Variants in AGPAT4 observed in about 807,000 individuals in gnomAD.
The protein encoded by AGPAT4 is 1-acylglycerol-3-phosphate O-acyltransferase 4.
In AGPAT4, 15 loss-of-function variants were observed where a neutral mutation model predicts 48.0. That is an observed-to-expected ratio of 0.31 (90% CI 0.21 to 0.48). The LOEUF is 0.48. AGPAT4 is among the 20% of genes least tolerant of loss of function. The probability of loss-of-function intolerance (pLI) is 0.99; values close to 1 mark genes in which losing one functional copy is unlikely to be tolerated. For missense variants in AGPAT4, 314 were observed against 482.5 expected (o/e 0.65, Z 3.27); for synonymous variants, 178 against 198.7 (o/e 0.90, Z 0.88).
intron 2 of AGPAT4, among the ~76,000 whole-genome samples, chr6:161,186,567 A>G (rs1352546570): frequency 6.6e-6 from 1 of 151,868 alleles, no homozygotes; most frequent in Non-Finnish European, 1.5e-5. Flanking sequence ...CCTTCTACCC[A>G]GTCTCTCTGC....
At chr6:161,179,787 T>C (rs1157106534) in intron 2 of AGPAT4, among the ~76,000 whole-genome samples, 2 of 152,244 alleles carry the variant, frequency 1.3e-5, no homozygotes, top group African/African-American at 2.4e-5. Context: ...TGCTTAATCA[T>C]GTTTTCTTTT....
At position 161,162,449 on chromosome 6, in the gene AGPAT4, C is replaced by T. The variant is rs181226616; in HGVS notation, c.348+3799G>A. ...CCTCAGGGGTGCAGTTGCCATATTC[C>T]GGGAAACACTGTGTTTTAAAACAAG... On this transcript the variant is annotated intron_variant, in intron 3 of 8. Transcript: ENST00000320285. Among the ~76,000 whole-genome samples, 450 of 152,284 alleles carry T rather than the reference C, an allele frequency of 3.0e-3. 2 individuals are homozygous for T. Among genetic ancestry groups the T allele is most frequent in the African/African-American group, 0.01 (426 of 41,530 alleles).
rs1265584060 is a variant in AGPAT4 at position 161,219,864 on chromosome 6, TAGATAGATAGGC to T, written c.178+12160_178+12171del. ...ATAGATAGATAGATAGATAGATAGA[TAGATAGATAGGC>T]AGGCAGGCAGGCAGGCAGGCAGGCA... is the stretch of plus-strand genomic sequence containing the variant. On this transcript the variant is annotated intron_variant, in intron 2 of 8. Coordinates refer to ENST00000320285, the MANE Select transcript of AGPAT4 (RefSeq NM_020133.3). The surrounding 1 kb of genome is among the most constrained non-coding windows in gnomAD (Gnocchi z 4.9). Among the ~76,000 whole-genome samples the T allele has an allele frequency of 3.6e-4, 43 of 118,642 alleles. No homozygotes were observed. Among genetic ancestry groups the T allele is most frequent in the Middle Eastern group, 3.8e-3 (1 of 260 alleles). 77.8% of individuals were successfully genotyped at this position (118,642 alleles called of 152,430 possible). A position where few individuals can be genotyped will look rare whatever the true frequency, so the allele number is the denominator to read the frequency against.
chr6:161,153,744 T>A (rs1204748311), intron 4 of AGPAT4, among the ~76,000 whole-genome samples: 1 of 130,234 alleles, frequency 7.7e-6, no homozygotes, highest in Non-Finnish European at 1.6e-5. Flanking sequence ...GGGGCACATA[T>A]GGCCACACGA....
rs78353268 is a variant in AGPAT4 at position 161,215,255 on chromosome 6, G to A, written c.178+16781C>T. On this transcript the variant is annotated intron_variant, in intron 2 of 8. Coordinates refer to ENST00000320285, the MANE Select transcript of AGPAT4 (RefSeq NM_020133.3). The surrounding 1 kb of genome is among the most constrained non-coding windows in gnomAD (Gnocchi z 4.5). ...TACACTGCATGTGTTGTAATCTGTT[G>A]CCTAGTTAGCAAATGTTTCTGTAGA... 0.037 allele frequency among the ~76,000 whole-genome samples: 5,588 copies of A among 152,212 alleles called. 416 individuals carry two copies. Among genetic ancestry groups the A allele is most frequent in the Admixed American group, 0.2 (3,089 of 15,292 alleles).
In AGPAT4 at chr6:161,137,553, AT is replaced by A. The variant is rs1779104603; in HGVS notation, c.1043-920del. ...CATTTACAAACTGGAGGGCTCCTGC[AT>A]GGAGCGTAACAGTAACAGTGAGAGT... On this transcript the variant is annotated intron_variant, in intron 8 of 8. Transcript: ENST00000320285. This position sits in a 1 kb window ranked among gnomAD's most constrained non-coding sequence, Gnocchi z 6.1. Among the ~76,000 whole-genome samples, 1 of 152,232 alleles carries A rather than the reference AT, an allele frequency of 6.6e-6. No individual in the cohort carries two copies. The highest frequency in any genetic ancestry group is 6.5e-5 in the Admixed American group (1 of 15,288).
In AGPAT4 at chr6:161,197,977, C is replaced by T. The variant is rs1432177978; in HGVS notation, c.179-31560G>A. Among the ~76,000 whole-genome samples, 5 of 152,166 alleles carry T rather than the reference C, an allele frequency of 3.3e-5. No individual in the cohort carries two copies. Among genetic ancestry groups the T allele is most frequent in the African/African-American group, 1.2e-4 (5 of 41,442 alleles). On this transcript the variant is annotated intron_variant, in intron 2 of 8. Transcript: ENST00000320285. This position sits in a 1 kb window ranked among gnomAD's most constrained non-coding sequence, Gnocchi z 5.7. ...TGTTGGTTCTATTTTAATAAGTTCC[C>T]TTTTTGATACGATGCATTTTCTATT...
chr6:161,183,374 C>G, intron 2 of AGPAT4, among the ~76,000 whole-genome samples: 1 of 151,908 alleles, frequency 6.6e-6, no homozygotes. Flanking sequence ...AATCCCAGCA[C>G]TTTGGGAGTC....
In AGPAT4 at chr6:161,202,139, G is replaced by A. The variant is rs1329394301; in HGVS notation, c.178+29897C>T. On this transcript the variant is annotated intron_variant, in intron 2 of 8. Transcript: ENST00000320285. The surrounding 1 kb of genome is among the most constrained non-coding windows in gnomAD (Gnocchi z 5.4). ...TATCTATTGCTCATAACCAAAATAT[G>A]ATGGCCCAAAATAACAAAAACACTT... Among the ~76,000 whole-genome samples, 1 of 152,140 alleles carries A rather than the reference G, an allele frequency of 6.6e-6. No individual in the cohort carries two copies. Among genetic ancestry groups the A allele is most frequent in the Non-Finnish European group, 1.5e-5 (1 of 68,038 alleles).
At position 161,272,308 on chromosome 6, in the gene AGPAT4, T is replaced by C. The variant is rs898998736; in HGVS notation, c.-90+1630A>G. On this transcript the variant is annotated intron_variant, in intron 1 of 8. Transcript: ENST00000320285. The surrounding 1 kb of genome is among the most constrained non-coding windows in gnomAD (Gnocchi z 4.2). ...GATTTTGGCTTTAGCAGCCGGAAGG[T>C]ATGAGGGCTAAGTGACCTTCACACA... Among the ~76,000 whole-genome samples, 3 of 152,208 alleles carry C rather than the reference T, an allele frequency of 2.0e-5. No homozygotes were observed. Among genetic ancestry groups the C allele is most frequent in the Non-Finnish European group, 4.4e-5 (3 of 68,038 alleles).
Position 161,178,633 on chromosome 6 carries a change from A to C in AGPAT4, c.179-12216T>G, listed in dbSNP as rs530696628. 1.3e-4 allele frequency among the ~76,000 whole-genome samples: 20 copies of C among 152,140 alleles called. No homozygotes were observed. The East Asian group carries it at 2.7e-3, about 21-fold the overall frequency. On this transcript the variant is annotated intron_variant, in intron 2 of 8. Transcript: ENST00000320285. The surrounding 1 kb of genome is among the most constrained non-coding windows in gnomAD (Gnocchi z 5.1). ...GCTCACACTCGCGTGGGCTGCACCCACTGTCCGACAAGCCCCAGTGAGATG... is the reference window on the plus strand; with the variant it reads ...GCTCACACTCGCGTGGGCTGCACCCCCTGTCCGACAAGCCCCAGTGAGATG...
In AGPAT4 at chr6:161,198,587, C is replaced by T. The variant is rs1013827226; in HGVS notation, c.179-32170G>A. Among the ~76,000 whole-genome samples the T allele has an allele frequency of 2.0e-5, 3 of 152,200 alleles. No individual in the cohort carries two copies. Among genetic ancestry groups the T allele is most frequent in the African/African-American group, 7.2e-5 (3 of 41,454 alleles). ...GAATTTAGACACATAATTGCTCAGG[C>T]TGGGTTACATCCTGGCCCCACCATC... On this transcript the variant is annotated intron_variant, in intron 2 of 8. Coordinates refer to ENST00000320285, the MANE Select transcript of AGPAT4 (RefSeq NM_020133.3). The surrounding 1 kb of genome is among the most constrained non-coding windows in gnomAD (Gnocchi z 4.3).
chr6:161,156,096 T>G (rs931349782), intron 3 of AGPAT4, among the ~76,000 whole-genome samples: 10 of 152,246 alleles, frequency 6.6e-5, no homozygotes, highest in Non-Finnish European at 5.9e-5. Context: ...GCGGCTTATC[T>G]AGACCCGTAG....
chr6:161,240,776 A>G lies in AGPAT4; in HGVS notation c.-89-8474T>C, dbSNP rs1337195427. 6.6e-6 allele frequency among the ~76,000 whole-genome samples: 1 copy of G among 152,164 alleles called. No individual in the cohort carries two copies. Among genetic ancestry groups the G allele is most frequent in the East Asian group, 1.9e-4 (1 of 5,184 alleles). On this transcript the variant is annotated intron_variant, in intron 1 of 8. Coordinates refer to ENST00000320285, the MANE Select transcript of AGPAT4 (RefSeq NM_020133.3). The surrounding 1 kb of genome is among the most constrained non-coding windows in gnomAD (Gnocchi z 5.5). ...GATGAATGTGGCCAAAGTCTCCACC[A>G]GGGCGGCAACTAACTTGTACAGGTC...
chr6:161,241,124 G>A (rs765669794), intron 1 of AGPAT4, among the ~76,000 whole-genome samples: 12 of 151,770 alleles, frequency 7.9e-5, no homozygotes, highest in African/African-American at 1.9e-4. Context: ...TTAGCTGGGC[G>A]TGGTGGCAGG....
intron 5 of AGPAT4, 98 bp downstream of exon 5, chr6:161,153,248 T>G (rs886668368): frequency 2.7e-6 from 4 of 1,465,934 alleles, no homozygotes; most frequent in Non-Finnish European, 3.7e-6. Flanking sequence ...TCAAGTCAGC[T>G]GGGAAGTGCT....
chr6:161,165,607 A>C lies in AGPAT4; in HGVS notation c.348+641T>G. On this transcript the variant is annotated intron_variant, in intron 3 of 8. Transcript: ENST00000320285. The surrounding 1 kb of genome is among the most constrained non-coding windows in gnomAD (Gnocchi z 5.5). ...TACCGCAGATGACTCTGATTCAGCTATGTGACACAGGCTCAACCGCTACAC... is the reference window on the plus strand; with the variant it reads ...TACCGCAGATGACTCTGATTCAGCTCTGTGACACAGGCTCAACCGCTACAC... 1 of 1,301,586 alleles carries C rather than the reference A, an allele frequency of 7.7e-7. No homozygotes were observed. The highest frequency in any genetic ancestry group is 1.0e-6 in the Non-Finnish European group (1 of 988,460). 80.6% of individuals were successfully genotyped at this position (1,301,586 alleles called of 1,614,324 possible).
chr6:161,218,084 G>A lies in AGPAT4; in HGVS notation c.178+13952C>T, dbSNP rs1033692624. 2.0e-5 allele frequency among the ~76,000 whole-genome samples: 3 copies of A among 152,230 alleles called. No homozygotes were observed. Among genetic ancestry groups the A allele is most frequent in the African/African-American group, 7.2e-5 (3 of 41,448 alleles). ...TGGTGTCTGTGTCTGATGAGTTGGT[G>A]CCTTGTTCTTCTGGCAAGAGAACCA... On this transcript the variant is annotated intron_variant, in intron 2 of 8. Coordinates refer to ENST00000320285, the MANE Select transcript of AGPAT4 (RefSeq NM_020133.3). The surrounding 1 kb of genome is among the most constrained non-coding windows in gnomAD (Gnocchi z 4.7).
chr6:161,205,761 T>TAATAATAATAACAAC (rs71004032), intron 2 of AGPAT4, among the ~76,000 whole-genome samples: 5 of 149,040 alleles, frequency 3.4e-5, no homozygotes, highest in African/African-American at 1.2e-4. Flanking sequence ...ATAATAATAA[T>TAATAATAATAACAAC]AACAACAAAC....
Sources: gnomAD v4.1 joint callset for allele counts (sites outside exome capture counted in the v4.1 genomes callset) on GRCh38, gnomAD v4.1.1 for gene constraint, Gnocchi (gnomAD v3.1) non-coding constraint, MANE v1.5 for transcripts, NCBI Gene and HGNC (gene_info 2026-07-23, HGNC 2026-07-21) for gene names.